Variants in RBFOX1 observed in about 807,000 individuals in gnomAD.
The protein encoded by RBFOX1 is RNA binding fox-1 homolog 1, also known as RNA binding protein fox-1 homolog 1.
RBFOX1 carries 8 observed loss-of-function variants against 57.7 expected under a neutral mutation model. The ratio of observed to expected loss-of-function variants is 0.14; its 90% CI spans 0.08 to 0.25. The LOEUF is 0.25. Among genes scored for constraint, RBFOX1 ranks in the 10% least tolerant of loss-of-function variants. The probability of loss-of-function intolerance (pLI) is 1.00; values close to 1 mark genes in which losing one functional copy is unlikely to be tolerated. For synonymous variants in RBFOX1, 326 were observed against 222.4 expected (o/e 1.47, Z -4.15); for missense variants, 611 against 548.5 (o/e 1.11, Z -1.14).
chr16:5,307,642 G>A (rs764498210), intron 1 of RBFOX1, among the ~76,000 whole-genome samples: 20 of 152,126 alleles, frequency 1.3e-4, no homozygotes, highest in Non-Finnish European at 4.4e-5. Context: ...ATACACACAT[G>A]TCTGAGGGTC....
chr16:6,924,370 G>C (rs143242797), intron 3 of RBFOX1, among the ~76,000 whole-genome samples: 3 of 152,122 alleles, frequency 2.0e-5, no homozygotes, highest in African/African-American at 4.8e-5. Flanking sequence ...ACGCAAGAGA[G>C]AGGGGAGGAG....
chr16:7,581,848 C>T (rs1298487373), intron 6 of RBFOX1, among the ~76,000 whole-genome samples: 1 of 152,182 alleles, frequency 6.6e-6, no homozygotes, highest in Middle Eastern at 3.4e-3. Context: ...GTAGCTGGGA[C>T]TACAGGCACA....
chr16:6,501,131 CTT>C (rs1003003339), intron 2 of RBFOX1, among the ~76,000 whole-genome samples: 249 of 107,900 alleles, frequency 2.3e-3, no homozygotes, highest in African/African-American at 7.9e-3. Context: ...GTTAAACATT[CTT>C]TTTTTTTTTT....
At chr16:7,250,352 A>G (rs941928782) in intron 4 of RBFOX1, among the ~76,000 whole-genome samples, 1 of 152,206 alleles carries the variant, frequency 6.6e-6, no homozygotes, top group Non-Finnish European at 1.5e-5. Context: ...GTGACCATGG[A>G]TGCTGACACA....
At chr16:5,951,187 C>T (rs1045537141) in intron 4 of RBFOX1, among the ~76,000 whole-genome samples, 2 of 152,130 alleles carry the variant, frequency 1.3e-5, no homozygotes, top group African/African-American at 4.8e-5. Flanking sequence ...GTGGCTCACG[C>T]CTGAAATCTC....
chr16:6,701,412 G>A (rs573494807), intron 3 of RBFOX1, among the ~76,000 whole-genome samples: 1 of 152,196 alleles, frequency 6.6e-6, no homozygotes, highest in Non-Finnish European at 1.5e-5. Flanking sequence ...GCATTAGTCT[G>A]TTTTACATTG....
intron 4 of RBFOX1, among the ~76,000 whole-genome samples, chr16:7,391,703 A>G (rs946744450): frequency 6.6e-6 from 1 of 152,226 alleles, no homozygotes; most frequent in Admixed American, 6.5e-5. Flanking sequence ...GGCCATGCAG[A>G]TGAGGACCAA....
chr16:7,498,495 C>G (rs547047745), intron 4 of RBFOX1, among the ~76,000 whole-genome samples: 2 of 151,704 alleles, frequency 1.3e-5, no homozygotes, highest in Admixed American at 6.6e-5. Context: ...AAACAAAATG[C>G]GTGATTTTAA....
intron 1 of RBFOX1, among the ~76,000 whole-genome samples, chr16:5,339,226 T>G (rs1446358459): frequency 6.6e-6 from 1 of 152,068 alleles, no homozygotes; most frequent in Non-Finnish European, 1.5e-5. Flanking sequence ...TTGACTTCCT[T>G]AGATTCCACA....
chr16:7,701,434 C>G (rs777969298), intron 14 of RBFOX1, among the ~76,000 whole-genome samples: 2 of 152,170 alleles, frequency 1.3e-5, no homozygotes, highest in Non-Finnish European at 2.9e-5. Flanking sequence ...CTACTGTAAA[C>G]TGTGCATGTG....
At chr16:5,539,447 C>T (rs921591595) in intron 2 of RBFOX1, among the ~76,000 whole-genome samples, 1 of 147,650 alleles carries the variant, frequency 6.8e-6, no homozygotes, top group African/African-American at 2.5e-5. Context: ...ACAAAATTAG[C>T]CGGGTGTAGT....
At chr16:7,690,997 A>G (rs964088381) in intron 14 of RBFOX1, among the ~76,000 whole-genome samples, 1 of 152,142 alleles carries the variant, frequency 6.6e-6, no homozygotes, top group African/African-American at 2.4e-5. Context: ...AGCATTGTTC[A>G]GGGAAGTAGT....
intron 1 of RBFOX1, among the ~76,000 whole-genome samples, chr16:5,463,935 A>C (rs2068874736): frequency 6.6e-6 from 1 of 152,226 alleles, no homozygotes; most frequent in African/African-American, 2.4e-5. Flanking sequence ...CAGCAGAACA[A>C]AGAGAGGTGT....
intron 10 of RBFOX1, among the ~76,000 whole-genome samples, chr16:7,619,195 A>C (rs2141940477): frequency 6.6e-6 from 1 of 152,254 alleles, no homozygotes; most frequent in South Asian, 2.1e-4. Context: ...CAAACACCCC[A>C]ATATCACTGA....
At chr16:5,505,928 A>G (rs567345304) in intron 2 of RBFOX1, among the ~76,000 whole-genome samples, 2 of 151,854 alleles carry the variant, frequency 1.3e-5, no homozygotes, top group Admixed American at 6.6e-5. Context: ...CCTGCTCAAA[A>G]TCTCTCTGCT....
chr16:6,606,106 C>G (rs1290385363), intron 2 of RBFOX1, among the ~76,000 whole-genome samples: 1 of 149,720 alleles, frequency 6.7e-6, no homozygotes, highest in Non-Finnish European at 1.5e-5. Context: ...GAGACTCTGT[C>G]TCAAAAAAGA....
intron 3 of RBFOX1, among the ~76,000 whole-genome samples, chr16:6,915,068 G>C (rs1020776025): frequency 3.3e-5 from 5 of 152,214 alleles, no homozygotes; most frequent in African/African-American, 1.2e-4. Context: ...ACATTCCTCA[G>C]TTGACTAATG....
chr16:6,724,759 G>T (rs1046139607), intron 3 of RBFOX1, among the ~76,000 whole-genome samples: 35 of 151,912 alleles, frequency 2.3e-4, no homozygotes, highest in African/African-American at 8.4e-4. Context: ...TAAGTTCTGG[G>T]GTACACTTGC....
intron 4 of RBFOX1, among the ~76,000 whole-genome samples, chr16:7,370,566 A>G (rs2097547916): frequency 1.3e-5 from 2 of 152,132 alleles, no homozygotes; most frequent in African/African-American, 2.4e-5. Context: ...GGCATGCTTG[A>G]TATTTTCAGA....
Sources: gnomAD v4.1 joint callset for allele counts (sites outside exome capture counted in the v4.1 genomes callset) on GRCh38, gnomAD v4.1.1 for gene constraint, MANE v1.5 for transcripts, NCBI Gene and HGNC (gene_info 2026-07-23, HGNC 2026-07-21) for gene names.